The following GTF2H5 variants were observed in gnomAD, a reference collection of about 807,000 sequenced individuals.
The protein encoded by GTF2H5 is general transcription factor IIH subunit 5, also known as TFB5 ortholog.
In GTF2H5, 5 loss-of-function variants were observed where a neutral mutation model predicts 7.1. The observed-to-expected ratio is 0.71, with a 90% CI of 0.37 to 1.49. The LOEUF is 1.49. Ranked by LOEUF, GTF2H5 falls within the 40% of genes most tolerant of loss-of-function variation. The pLI, the probability that GTF2H5 is intolerant of heterozygous loss-of-function variation, is 0.03. For synonymous variants in GTF2H5, 30 were observed against 31.7 expected, an observed-to-expected ratio of 0.95 and a Z score of 0.18; for missense variants, 80 against 83.0, an observed-to-expected ratio of 0.96 and a Z score of 0.14.
intron 2 of GTF2H5, chr6:158,190,877 C>T (rs745478699): frequency 4.0e-6 from 2 of 505,932 alleles, no homozygotes; most frequent in Non-Finnish European, 7.8e-6. Flanking sequence ...TAAAGAGTGT[C>T]CTTTGTCATG....
chr6:158,194,059 C>T lies in GTF2H5; in HGVS notation c.*1902C>T, dbSNP rs1777070009. 1 of 151,558 alleles carries T rather than the reference C, an allele frequency of 6.6e-6. No individual in the cohort carries two copies. Among genetic ancestry groups the T allele is most frequent in the African/African-American group, 2.4e-5 (1 of 41,230 alleles). 9.4% of individuals were successfully genotyped at this position (151,558 alleles called of 1,614,324 possible). A position where few individuals can be genotyped will look rare whatever the true frequency, so the allele number is the denominator to read the frequency against. The stretch of plus-strand genomic sequence containing the variant: ...TTACTAATGTATCTTATATTTCAGG[C>T]ATGTCTAAATCAACTTTTAGTATGC... On this transcript the variant is annotated 3_prime_UTR_variant, in exon 3 of 3. Transcript: ENST00000607778.
chr6:158,191,486 C>CT (rs71542917), intron 2 of GTF2H5, among the ~76,000 whole-genome samples: 9,377 of 143,924 alleles, frequency 0.065, 1,036 homozygotes, highest in African/African-American at 0.22. Flanking sequence ...ACTAATAGTT[C>CT]TTTTTTTTTT....
chr6:158,181,498 G>A (rs1289876575), intron 2 of GTF2H5, among the ~76,000 whole-genome samples: 1 of 152,090 alleles, frequency 6.6e-6, no homozygotes, highest in East Asian at 1.9e-4. Flanking sequence ...ATTATTGTGT[G>A]GGAGTCTAAC....
In GTF2H5 at chr6:158,193,453, G is replaced by T. The variant is rs1777059997; in HGVS notation, c.*1296G>T. ...TTCCAAGAGAAAAGAGAATTTTCATGACCTGTAGACTCTTACAAATCCATT... is the reference window on the plus strand; with the variant it reads ...TTCCAAGAGAAAAGAGAATTTTCATTACCTGTAGACTCTTACAAATCCATT... On this transcript the variant is annotated 3_prime_UTR_variant, in exon 3 of 3. Transcript: ENST00000607778. The T allele has an allele frequency of 6.6e-6, 1 of 152,156 alleles. No homozygotes were observed. Among genetic ancestry groups the T allele is most frequent in the Non-Finnish European group, 1.5e-5 (1 of 68,026 alleles). 9.4% of individuals were successfully genotyped at this position (152,156 alleles called of 1,614,324 possible). A position where few individuals can be genotyped will look rare whatever the true frequency, so the allele number is the denominator to read the frequency against.
intron 1 of GTF2H5, among the ~76,000 whole-genome samples, chr6:158,169,342 G>A (rs1341851059): frequency 8.4e-5 from 8 of 95,118 alleles, no homozygotes; most frequent in South Asian, 2.8e-4. Flanking sequence ...TATATAATAC[G>A]TATATTATAT....
Position 158,169,660 on chromosome 6 carries a change from A to ACATATTG in GTF2H5, c.-34-810_-34-809insCATATTG, listed in dbSNP as rs1562469019. On this transcript the variant is annotated intron_variant, in intron 1 of 2. Transcript: ENST00000607778. ...TTACATATATTGTATATTACATATA[A>ACATATTG]TATATTGTATATTATATAATATATA... 2.2e-4 allele frequency among the ~76,000 whole-genome samples: 19 copies of ACATATTG among 84,684 alleles called. 2 individuals are homozygous for ACATATTG. Among genetic ancestry groups the ACATATTG allele is most frequent in the African/African-American group, 1.0e-3 (19 of 18,276 alleles). 55.6% of individuals were successfully genotyped at this position (84,684 alleles called of 152,430 possible). A position where few individuals can be genotyped will look rare whatever the true frequency, so the allele number is the denominator to read the frequency against.
At chr6:158,181,551 C>T (rs1490528310) in intron 2 of GTF2H5, among the ~76,000 whole-genome samples, 1 of 152,118 alleles carries the variant, frequency 6.6e-6, no homozygotes, top group African/African-American at 2.4e-5. Flanking sequence ...GAATCTGGGT[C>T]CCCCTGTATT....
In GTF2H5 at chr6:158,192,252, GTT is replaced by G; in HGVS notation, c.*98_*99del. ...GGTGACTGATTAGACATAGAGGGTT[GTT>G]TTAGGAGCATGCCACGGGAAAGACT... On this transcript the variant is annotated 3_prime_UTR_variant, in exon 3 of 3. Coordinates refer to ENST00000607778, the MANE Select transcript of GTF2H5 (RefSeq NM_207118.3). 1 of 944,480 alleles carries G rather than the reference GTT, an allele frequency of 1.1e-6. No individual in the cohort carries two copies. Among genetic ancestry groups the G allele is most frequent in the Non-Finnish European group, 1.7e-6 (1 of 589,450 alleles). The allele number at this position is 944,480 out of a possible 1,614,324, so 58.5% of individuals were successfully genotyped here. A position where few individuals can be genotyped will look rare whatever the true frequency, so the allele number is the denominator to read the frequency against.
Position 158,169,549 on chromosome 6 carries a change from CTGTATATTATATATAATATAT to C in GTF2H5, c.-34-890_-34-870del, listed in dbSNP as rs1391014291. Among the ~76,000 whole-genome samples the C allele has an allele frequency of 4.9e-3, 258 of 52,608 alleles. 18 individuals carry two copies. Among genetic ancestry groups the C allele is most frequent in the East Asian group, 0.023 (24 of 1,030 alleles). The allele number at this position is 52,608 out of a possible 152,430, so 34.5% of individuals were successfully genotyped here. A position where few individuals can be genotyped will look rare whatever the true frequency, so the allele number is the denominator to read the frequency against. ...TATACAGTATATTATATATAATATA[CTGTATATTATATATAATATAT>C]TGTATATTATATATAATATATTGTA... On this transcript the variant is annotated intron_variant, in intron 1 of 2. Coordinates refer to ENST00000607778, the MANE Select transcript of GTF2H5 (RefSeq NM_207118.3).
At position 158,196,913 on chromosome 6, in the gene GTF2H5, C is replaced by G. The variant is rs1434336665; in HGVS notation, c.*4756C>G. 6.6e-6 allele frequency: 1 copy of G among 152,204 alleles called. No individual in the cohort carries two copies. Among genetic ancestry groups the G allele is most frequent in the Non-Finnish European group, 1.5e-5 (1 of 68,038 alleles). The allele number at this position is 152,204 out of a possible 1,614,324, so 9.4% of individuals were successfully genotyped here. On this transcript the variant is annotated 3_prime_UTR_variant, in exon 3 of 3. Transcript: ENST00000607778. ...TTAACAGCAGAAACGATAGCCAACA[C>G]AATATGCTCCTCAGTTGGTTCAGCT...
In GTF2H5 at chr6:158,199,230, A is replaced by G. The variant is rs1431252648; in HGVS notation, c.*7073A>G. On this transcript the variant is annotated 3_prime_UTR_variant, in exon 3 of 3. Transcript: ENST00000607778. Reference sequence around the variant, plus strand: ...ATTACTCCGTTTAAGTACAGTGTTCACTCTTTGGGTAATGTGTACAATAGA... The same window carrying G: ...ATTACTCCGTTTAAGTACAGTGTTCGCTCTTTGGGTAATGTGTACAATAGA... 1 of 150,986 alleles carries G rather than the reference A, an allele frequency of 6.6e-6. No homozygotes were observed. Among genetic ancestry groups the G allele is most frequent in the East Asian group, 1.9e-4 (1 of 5,188 alleles). 9.4% of individuals were successfully genotyped at this position (150,986 alleles called of 1,614,324 possible). A position where few individuals can be genotyped will look rare whatever the true frequency, so the allele number is the denominator to read the frequency against.
chr6:158,192,319 A>C lies in GTF2H5; in HGVS notation c.*162A>C. The C allele has an allele frequency of 1.6e-6, 1 of 616,976 alleles. No homozygotes were observed. Among genetic ancestry groups the C allele is most frequent in the Non-Finnish European group, 2.9e-6 (1 of 350,352 alleles). 38.2% of individuals were successfully genotyped at this position (616,976 alleles called of 1,614,324 possible). A position where few individuals can be genotyped will look rare whatever the true frequency, so the allele number is the denominator to read the frequency against. ...ATTTGTTCAGAAAAAAAGCCCCTGA[A>C]CTGATTTTGTTACCATAGAATTTAA... On this transcript the variant is annotated 3_prime_UTR_variant, in exon 3 of 3. Coordinates refer to ENST00000607778, the MANE Select transcript of GTF2H5 (RefSeq NM_207118.3).
rs1777082486 is a variant in GTF2H5 at position 158,194,752 on chromosome 6, C to T, written c.*2595C>T. On this transcript the variant is annotated 3_prime_UTR_variant, in exon 3 of 3. Coordinates refer to ENST00000607778, the MANE Select transcript of GTF2H5 (RefSeq NM_207118.3). ...TCCGGCTTTCTCAGCTAAGGGAGAG[C>T]TTATTCACATGGAAACAAGGCTAGG... 6.6e-6 allele frequency: 1 copy of T among 152,060 alleles called. No homozygotes were observed. Among genetic ancestry groups the T allele is most frequent in the South Asian group, 2.1e-4 (1 of 4,822 alleles). 9.4% of individuals were successfully genotyped at this position (152,060 alleles called of 1,614,324 possible).
chr6:158,184,449 T>C (rs1241296860), intron 2 of GTF2H5, among the ~76,000 whole-genome samples: 5 of 152,276 alleles, frequency 3.3e-5, no homozygotes, highest in East Asian at 3.9e-4. Flanking sequence ...ACCCCTATTA[T>C]ATGTTTTCTT....
At chr6:158,186,099 G>C (rs771745940) in intron 2 of GTF2H5, among the ~76,000 whole-genome samples, 4 of 152,224 alleles carry the variant, frequency 2.6e-5, no homozygotes, top group Non-Finnish European at 5.9e-5. Flanking sequence ...CAGATGAAAC[G>C]TTAGTTGATT....
intron 2 of GTF2H5, chr6:158,190,674 A>G (rs775877398): frequency 4.4e-5 from 20 of 457,970 alleles, no homozygotes; most frequent in Non-Finnish European, 6.1e-5. Flanking sequence ...TTGTACTTAA[A>G]TCTTATTTTT....
rs1454173585 is a variant in GTF2H5, at chr6:158,197,907, CAGTTCT to C, written c.*5751_*5756del. On this transcript the variant is annotated 3_prime_UTR_variant, in exon 3 of 3. Transcript: ENST00000607778. ...GACATGGTTAATTTCCCAGGACCCTCAGTTCTTTAGGGATAGACTGAATGGCTGGTA... is the reference window on the plus strand; with the variant it reads ...GACATGGTTAATTTCCCAGGACCCTCTTAGGGATAGACTGAATGGCTGGTA... 1 of 152,214 alleles carries C rather than the reference CAGTTCT, an allele frequency of 6.6e-6. No homozygotes were observed. The highest frequency in any genetic ancestry group is 1.5e-5 in the Non-Finnish European group (1 of 68,048). 9.4% of individuals were successfully genotyped at this position (152,214 alleles called of 1,614,324 possible).
chr6:158,170,422 T>C (rs1785838983), intron 1 of GTF2H5, 48 bp from the exon 2 acceptor site: 2 of 1,129,616 alleles, frequency 1.8e-6, no homozygotes, highest in African/African-American at 1.5e-5. Flanking sequence ...CCAAAGTATA[T>C]GAAAGTTAAT....
intron 2 of GTF2H5, among the ~76,000 whole-genome samples, chr6:158,175,811 G>A (rs944741226): frequency 2.0e-5 from 3 of 152,104 alleles, no homozygotes; most frequent in Non-Finnish European, 4.4e-5. Flanking sequence ...CAATAAAAAT[G>A]TATGTATTTA....
Sources: allele counts gnomAD v4.1 joint callset (sites outside exome capture counted in the v4.1 genomes callset), GRCh38; gene constraint gnomAD v4.1.1; transcripts MANE v1.5; gene names NCBI Gene and HGNC (gene_info 2026-07-23, HGNC 2026-07-21).